The following PTPRS variants were observed in gnomAD, a reference collection of about 807,000 sequenced individuals.
PTPRS encodes receptor-type tyrosine-protein phosphatase S.
PTPRS carries 63 observed loss-of-function variants against 215.3 expected under a neutral mutation model. That is an observed-to-expected ratio of 0.29 (90% CI 0.24 to 0.36). The LOEUF is 0.36. Ranked by LOEUF, PTPRS falls within the 10% of genes least tolerant of loss-of-function variation. PTPRS has a pLI of 1.00. For synonymous variants in PTPRS, 1,404 were observed against 1,191.4 expected (o/e 1.18, Z -3.68); for missense variants, 2,258 against 2,825.8 (o/e 0.80, Z 4.56).
intron 14 of PTPRS, 64 bp from the exon 15 acceptor site, chr19:5,229,748 C>G (rs937396827): frequency 2.0e-6 from 2 of 1,016,880 alleles, no homozygotes; most frequent in Non-Finnish European, 2.5e-6. Context: ...GGCCCTGCCC[C>G]GGGCAGTGCC....
In PTPRS at chr19:5,312,639, C is replaced by T. The variant is rs7248600; in HGVS notation, c.-94-26405G>A. On this transcript the variant is annotated intron_variant, in intron 1 of 37. Transcript: ENST00000262963. ...TCACACCACTGCACTTCAGTCTGGG[C>T]GACAGAGCAAGACCCTGTCTCTAAA... Among the ~76,000 whole-genome samples the T allele has an allele frequency of 3.5e-3, 533 of 151,846 alleles. 3 individuals are homozygous for T. Among genetic ancestry groups the T allele is most frequent in the African/African-American group, 0.012 (502 of 41,384 alleles).
chr19:5,206,566 C>T lies in PTPRS; in HGVS notation c.*208G>A, dbSNP rs149437390. 820 of 457,554 alleles carry T rather than the reference C, an allele frequency of 1.8e-3. 22 individuals are homozygous for T. In the Admixed American group the frequency reaches 0.026, roughly 14 times the overall value. The allele number at this position is 457,554 out of a possible 1,614,324, so 28.3% of individuals were successfully genotyped here. Reference sequence around the variant, plus strand: ...GAATGTGCCAAGTATTTGAAGGCGGCGGCCGGTGCCAGGGAGGTCGCTGGG... The same window carrying T: ...GAATGTGCCAAGTATTTGAAGGCGGTGGCCGGTGCCAGGGAGGTCGCTGGG... On this transcript the variant is annotated 3_prime_UTR_variant, in exon 38 of 38. Coordinates refer to ENST00000262963, the MANE Select transcript of PTPRS (RefSeq NM_002850.4).
At chr19:5,232,881 C>A (rs2043135069) in intron 13 of PTPRS, among the ~76,000 whole-genome samples, 1 of 151,016 alleles carries the variant, frequency 6.6e-6, no homozygotes, top group Non-Finnish European at 1.5e-5. Context: ...CTATTAAGCA[C>A]CTACGATGTG....
At position 5,317,309 on chromosome 19, in the gene PTPRS, T is replaced by TA. The variant is rs566096539; in HGVS notation, c.-95+23354dup. 2.0e-3 allele frequency among the ~76,000 whole-genome samples: 306 copies of TA among 152,070 alleles called. 9 individuals are homozygous for TA. In the South Asian group the frequency reaches 0.028, roughly 14 times the overall value. On this transcript the variant is annotated intron_variant, in intron 1 of 37. Transcript: ENST00000262963. ...CAACATGGGGAAACCCCATCTCTAG[T>TA]AAAAATACAAAAATTAGCCAGGCGT...
chr19:5,292,414 G>T (rs548454084), intron 1 of PTPRS, among the ~76,000 whole-genome samples: 38 of 152,300 alleles, frequency 2.5e-4, no homozygotes, highest in African/African-American at 8.9e-4. Flanking sequence ...GCCAGCCTGG[G>T]TTCTGCAGGA....
rs563166786 is a variant in PTPRS at position 5,315,927 on chromosome 19, A to C, written c.-95+24737T>G. Among the ~76,000 whole-genome samples, 6 of 144,844 alleles carry C rather than the reference A, an allele frequency of 4.1e-5. No individual in the cohort carries two copies. In the South Asian group the frequency reaches 1.3e-3, roughly 32 times the overall value. On this transcript the variant is annotated intron_variant, in intron 1 of 37. Transcript: ENST00000262963. ...ACCACAGCTGTACGCCATTACACCT[A>C]GTTAATTTTTTAAAAAATTTGCACA...
intron 16 of PTPRS, among the ~76,000 whole-genome samples, chr19:5,226,959 T>C (rs572469129): frequency 2.0e-5 from 3 of 152,114 alleles, no homozygotes; most frequent in African/African-American, 7.2e-5. Flanking sequence ...TAGCTTGAAA[T>C]TGACATGGTG....
Position 5,219,420 on chromosome 19 carries a change from C to T in PTPRS, c.3813G>A (p.Pro1271=), listed in dbSNP as rs780799847. ...PFSDPFQLDN[P]DPQPIVDGEE... ...CGCCATCCACGATGGGCTGGGGGTC[C>T]GGGTTATCCAGCTGGAAGGGGTCTG... The change falls in exon 23 of 38, where the codon CCG becomes CCA. Residue 1271 remains proline, a synonymous_variant. Transcript: ENST00000262963. The T allele has an allele frequency of 4.2e-5, 67 of 1,611,792 alleles. No homozygotes were observed. The highest frequency in any genetic ancestry group is 1.6e-4 in the Middle Eastern group (1 of 6,066).
intron 7 of PTPRS, 87 bp from the exon 8 acceptor site, chr19:5,258,214 C>T (rs747029736): frequency 5.4e-6 from 6 of 1,106,540 alleles, no homozygotes; most frequent in Non-Finnish European, 8.2e-6. Flanking sequence ...TGCTCTCTGG[C>T]CTGTCTCCTG....
intron 1 of PTPRS, among the ~76,000 whole-genome samples, chr19:5,317,517 G>A (rs2049910107): frequency 6.6e-6 from 1 of 152,150 alleles, no homozygotes; most frequent in Non-Finnish European, 1.5e-5. Flanking sequence ...CAATCAGAGA[G>A]GTTGGGCAAT....
At chr19:5,260,768 C>T (rs1350722377) in intron 7 of PTPRS, 37 bp downstream of exon 7, 7 of 1,612,772 alleles carry the variant, frequency 4.3e-6, no homozygotes, top group South Asian at 1.1e-5. Context: ...GCAGCAAGAG[C>T]GAGCGTGAGT....
intron 35 of PTPRS, among the ~76,000 whole-genome samples, chr19:5,209,471 C>A (rs758400424): frequency 3.9e-5 from 6 of 152,190 alleles, no homozygotes; most frequent in Non-Finnish European, 5.9e-5. Flanking sequence ...CCACCATTTG[C>A]CATCCAATGT....
rs1309828725 is a variant in PTPRS at position 5,223,011 on chromosome 19, C to T, written c.2781G>A (p.Thr927=). The T allele has an allele frequency of 1.3e-6, 2 of 1,542,692 alleles. No homozygotes were observed. The highest frequency in any genetic ancestry group is 2.4e-5 in the East Asian group (1 of 40,974). The change falls in exon 18 of 38, where the codon ACG becomes ACA. Residue 927 remains threonine, a synonymous_variant. Coordinates refer to ENST00000262963, the MANE Select transcript of PTPRS (RefSeq NM_002850.4). The part of the protein sequence containing the change: ...AAEVLSIPED[T]PRGHPQILEA... ...CCAGAATCTGCGGGTGGCCACGGGG[C>T]GTGTCCTCCGGGATGCTCAGGACCT... is the stretch of plus-strand genomic sequence containing the variant.
At chr19:5,225,281 G>A (rs2042380759) in intron 17 of PTPRS, among the ~76,000 whole-genome samples, 1 of 152,058 alleles carries the variant, frequency 6.6e-6, no homozygotes, top group Non-Finnish European at 1.5e-5. Flanking sequence ...GCCTGGATGG[G>A]GGAAGCACAG....
chr19:5,338,997 T>C lies in PTPRS; in HGVS notation c.-95+1667A>G, dbSNP rs2050598047. On this transcript the variant is annotated intron_variant, in intron 1 of 37. Transcript: ENST00000262963. This position sits in a 1 kb window ranked among gnomAD's most constrained non-coding sequence, Gnocchi z 4.2. ...GTGGCGGACGGGAGCCCGGAGCGTG[T>C]GGGTCCCTGTCCTTGGGACCCTAGG... 6.6e-6 allele frequency among the ~76,000 whole-genome samples: 1 copy of C among 152,204 alleles called. No individual in the cohort carries two copies.
Position 5,210,630 on chromosome 19 carries a change from T to C in PTPRS, c.5362-36A>G. 6.2e-7 allele frequency: 1 copy of C among 1,614,094 alleles called. No homozygotes were observed. Among genetic ancestry groups the C allele is most frequent in the African/African-American group, 1.3e-5 (1 of 75,064 alleles). Reference sequence around the variant, plus strand: ...GATGGCGGCCGTGGTCAGCGCTGTCTGAGCCACAGTCTGGCCCTCGCCCTT... The same window carrying C: ...GATGGCGGCCGTGGTCAGCGCTGTCCGAGCCACAGTCTGGCCCTCGCCCTT... On this transcript the variant is annotated intron_variant, in intron 34 of 37. Coordinates refer to ENST00000262963, the MANE Select transcript of PTPRS (RefSeq NM_002850.4). The surrounding 1 kb of genome is among the most constrained non-coding windows in gnomAD (Gnocchi z 4.5).
rs143750518 is a variant in PTPRS at position 5,214,796 on chromosome 19, G to A, written c.4319-60C>T. The A allele has an allele frequency of 3.5e-4, 534 of 1,513,236 alleles. 3 individuals are homozygous for A. The East Asian group carries it at 8.8e-3, about 25-fold the overall frequency. The allele number at this position is 1,513,236 out of a possible 1,614,324, so 93.7% of individuals were successfully genotyped here. ...GGCTGTCTTGCTAGTTTGGCTCTGT[G>A]TGGCCAACCACTTCCTGGAAGTTCA... On this transcript the variant is annotated intron_variant, in intron 28 of 37. Coordinates refer to ENST00000262963, the MANE Select transcript of PTPRS (RefSeq NM_002850.4).
intron 1 of PTPRS, among the ~76,000 whole-genome samples, chr19:5,329,402 C>G (rs537560109): frequency 3.3e-5 from 5 of 152,310 alleles, no homozygotes; most frequent in African/African-American, 9.6e-5. Flanking sequence ...CTGGCTACAT[C>G]GTAGCTAACA....
chr19:5,229,690 G>A lies in PTPRS; in HGVS notation c.2156-6C>T. 9 of 1,254,706 alleles carry A rather than the reference G, an allele frequency of 7.2e-6. No homozygotes were observed. In the South Asian group the frequency reaches 9.3e-5, roughly 13 times the overall value. 77.7% of individuals were successfully genotyped at this position (1,254,706 alleles called of 1,614,324 possible). ...CCGCGGCGGCGCGCTGGGCACTGGC[G>A]GGCGGGAGGGGAGGGGAGGGGCGGG... is the stretch of plus-strand genomic sequence containing the variant. On this transcript the variant is annotated splice_polypyrimidine_tract_variant and splice_region_variant and intron_variant, in intron 14 of 37. Transcript: ENST00000262963.
Sources: allele counts gnomAD v4.1 joint callset (sites outside exome capture counted in the v4.1 genomes callset), GRCh38; gene constraint gnomAD v4.1.1; non-coding constraint Gnocchi (gnomAD v3.1); transcripts MANE v1.5; gene names NCBI Gene and HGNC (gene_info 2026-07-23, HGNC 2026-07-21).